Variants in CADM4 observed in about 807,000 individuals in gnomAD.
CADM4 encodes the protein TSLC1-like 2.
Under a neutral mutation model 43.9 loss-of-function variants are expected in CADM4, and 13 were observed. That is an observed-to-expected ratio of 0.30 (90% CI 0.19 to 0.47). The LOEUF is 0.47. Ranked by LOEUF, CADM4 falls within the 20% of genes least tolerant of loss-of-function variation. CADM4 has a pLI of 1.00. For missense variants in CADM4, 420 were observed against 527.0 expected (o/e 0.80, Z 1.99); for synonymous variants, 209 against 220.9 (o/e 0.95, Z 0.48).
At chr19:43,639,045 CAGAA>C (rs1473167045) in intron 1 of CADM4, among the ~76,000 whole-genome samples, 6 of 151,482 alleles carry the variant, frequency 4.0e-5, no homozygotes, top group South Asian at 2.1e-4. Flanking sequence ...AAACGAGTGA[CAGAA>C]AGACAGGGGA....
intron 1 of CADM4, among the ~76,000 whole-genome samples, chr19:43,628,260 C>T (rs1600097305): frequency 1.5e-5 from 2 of 130,012 alleles, no homozygotes; most frequent in East Asian, 4.5e-4. Context: ...CCTGTCACTA[C>T]TAAAAATACA....
At position 43,624,957 on chromosome 19, in the gene CADM4, CA is replaced by C. The variant is rs1168075724; in HGVS notation, c.928+120del. 5.1e-6 allele frequency: 6 copies of C among 1,171,590 alleles called. No individual in the cohort carries two copies. In the Admixed American group the frequency reaches 1.7e-4, roughly 34 times the overall value. The allele number at this position is 1,171,590 out of a possible 1,614,324, so 72.6% of individuals were successfully genotyped here. A position where few individuals can be genotyped will look rare whatever the true frequency, so the allele number is the denominator to read the frequency against. On this transcript the variant is annotated intron_variant, in intron 7 of 8. Transcript: ENST00000222374. ...TGAGCCCCGCGGGCCAGTCTGGTCC[CA>C]AAACAAAAAGAACTCTGTTGGCTGC...
chr19:43,630,285 T>C (rs896046422), intron 1 of CADM4, among the ~76,000 whole-genome samples: 3 of 135,790 alleles, frequency 2.2e-5, no homozygotes, highest in Non-Finnish European at 3.1e-5. Context: ...TCTTTTCTTT[T>C]TTTTTTTTTT....
At chr19:43,632,243 A>T (rs1425537996) in intron 1 of CADM4, among the ~76,000 whole-genome samples, 1 of 151,956 alleles carries the variant, frequency 6.6e-6, no homozygotes, top group East Asian at 1.9e-4. Context: ...ACATCTGTCC[A>T]TTCTACCTCC....
At position 43,625,261 on chromosome 19, in the gene CADM4, ATAAAG is replaced by A. The variant is rs746516073; in HGVS notation, c.756-16_756-12del. The A allele has an allele frequency of 2.4e-5, 38 of 1,612,028 alleles. No individual in the cohort carries two copies. The African/African-American group carries it at 5.1e-4, about 21-fold the overall frequency. Reference sequence around the variant, plus strand: ...CGGATCTGGTTTGGCCTGGGTGGGGATAAAGTATAGTGAGAGTTAGGAACCGAGGT... The same window carrying A: ...CGGATCTGGTTTGGCCTGGGTGGGGATATAGTGAGAGTTAGGAACCGAGGT... On this transcript the variant is annotated splice_polypyrimidine_tract_variant and intron_variant, in intron 6 of 8. Coordinates refer to ENST00000222374, the MANE Select transcript of CADM4 (RefSeq NM_145296.2). This position sits in a 1 kb window ranked among gnomAD's most constrained non-coding sequence, Gnocchi z 4.5.
Position 43,625,021 on chromosome 19 carries a change from C to T in CADM4, c.928+57G>A. 7.1e-7 allele frequency: 1 copy of T among 1,411,156 alleles called. No homozygotes were observed. The allele number at this position is 1,411,156 out of a possible 1,614,324, so 87.4% of individuals were successfully genotyped here. On this transcript the variant is annotated intron_variant, in intron 7 of 8. Coordinates refer to ENST00000222374, the MANE Select transcript of CADM4 (RefSeq NM_145296.2). The surrounding 1 kb of genome is among the most constrained non-coding windows in gnomAD (Gnocchi z 4.5). ...TTATGTGGCCTCTTTGCTCAAGCCC[C>T]GCCCCCGCCACCTGGCGCCCCGCCC...
At position 43,626,633 on chromosome 19, in the gene CADM4, G is replaced by T; in HGVS notation, c.499+151C>A. On this transcript the variant is annotated intron_variant, in intron 4 of 8. Transcript: ENST00000222374. The surrounding 1 kb of genome is among the most constrained non-coding windows in gnomAD (Gnocchi z 5.9). ...CCATCTCAGCCTCCCAAAGTGCTAG[G>T]ACTACAGGCGTGAGCCACCGCGCTC... 9.8e-7 allele frequency: 1 copy of T among 1,019,566 alleles called. No individual in the cohort carries two copies. The highest frequency in any genetic ancestry group is 1.4e-6 in the Non-Finnish European group (1 of 717,212). The allele number at this position is 1,019,566 out of a possible 1,614,324, so 63.2% of individuals were successfully genotyped here. A position where few individuals can be genotyped will look rare whatever the true frequency, so the allele number is the denominator to read the frequency against.
rs1973514307 is a variant in CADM4 at position 43,625,759 on chromosome 19, C to T, written c.755+152G>A. 1.6e-6 allele frequency: 1 copy of T among 639,476 alleles called. No homozygotes were observed. Among genetic ancestry groups the T allele is most frequent in the Admixed American group, 2.9e-5 (1 of 34,450 alleles). 39.6% of individuals were successfully genotyped at this position (639,476 alleles called of 1,614,324 possible). On this transcript the variant is annotated intron_variant, in intron 6 of 8. Transcript: ENST00000222374. This position sits in a 1 kb window ranked among gnomAD's most constrained non-coding sequence, Gnocchi z 4.5. ...CGTCCAGGTCCCCAGCTCTCTCCTC[C>T]TCAGGACCCAGGAATCCAGGTCCTA...
chr19:43,623,462 G>C lies in CADM4; in HGVS notation c.1058-23C>G, dbSNP rs1973472300. ...AACCTGAGGGGGTGACAGACCCCCG[G>C]GGCAGGGGGGACATATTTGTGGATC... On this transcript the variant is annotated intron_variant, in intron 8 of 8. Coordinates refer to ENST00000222374, the MANE Select transcript of CADM4 (RefSeq NM_145296.2). This position sits in a 1 kb window ranked among gnomAD's most constrained non-coding sequence, Gnocchi z 4.4. 7.0e-7 allele frequency: 1 copy of C among 1,434,788 alleles called. No homozygotes were observed. Among genetic ancestry groups the C allele is most frequent in the East Asian group, 2.3e-5 (1 of 44,050 alleles). The allele number at this position is 1,434,788 out of a possible 1,614,324, so 88.9% of individuals were successfully genotyped here. A position where few individuals can be genotyped will look rare whatever the true frequency, so the allele number is the denominator to read the frequency against.
At chr19:43,635,217 AC>A (rs1973684286) in intron 1 of CADM4, among the ~76,000 whole-genome samples, 1 of 151,872 alleles carries the variant, frequency 6.6e-6, no homozygotes. Context: ...GAAGGTCACC[AC>A]CACCCCCTCT....
chr19:43,623,867 C>T lies in CADM4; in HGVS notation c.1057+247G>A, dbSNP rs1251739877. Among the ~76,000 whole-genome samples, 2 of 152,226 alleles carry T rather than the reference C, an allele frequency of 1.3e-5. No individual in the cohort carries two copies. Among genetic ancestry groups the T allele is most frequent in the Non-Finnish European group, 1.5e-5 (1 of 68,034 alleles). On this transcript the variant is annotated intron_variant, in intron 8 of 8. Coordinates refer to ENST00000222374, the MANE Select transcript of CADM4 (RefSeq NM_145296.2). This position sits in a 1 kb window ranked among gnomAD's most constrained non-coding sequence, Gnocchi z 4.4. The stretch of plus-strand genomic sequence containing the variant: ...TTATCCGCCTTGGCCTCCCAACGTG[C>T]TGGGATTACAGGCGTGAGCCACCGC...
chr19:43,627,674 G>C lies in CADM4; in HGVS notation c.181C>G (p.Arg61Gly). 1 of 1,613,888 alleles carries C rather than the reference G, an allele frequency of 6.2e-7. No homozygotes were observed. The highest frequency in any genetic ancestry group is 8.5e-7 in the Non-Finnish European group (1 of 1,179,866). The change falls in exon 2 of 9, where the codon CGG (arginine) becomes GGG (glycine). Residue 61 changes from arginine to glycine, a missense_variant. Transcript: ENST00000222374. This position sits in a 1 kb window ranked among gnomAD's most constrained non-coding sequence, Gnocchi z 4.0. The stretch of plus-strand genomic sequence containing the variant: ...GTGCCATTGAAGAAGAGGGTCTGCC[G>C]GGCTGGGTTCTGGATGACAACTATG... ...GSIVVIQNPA[R>G]QTLFFNGTRA...
chr19:43,628,832 C>T (rs1041532926), intron 1 of CADM4, among the ~76,000 whole-genome samples: 1 of 152,228 alleles, frequency 6.6e-6, no homozygotes, highest in African/African-American at 2.4e-5. Flanking sequence ...CAGCACCAAT[C>T]GCCAGCTGTG....
At chr19:43,624,059 T>C (rs1261357318) in intron 8 of CADM4, 55 bp downstream of exon 8, 2 of 1,601,328 alleles carry the variant, frequency 1.2e-6, no homozygotes, top group Non-Finnish European at 1.7e-6. Context: ...AGGCCCCGCC[T>C]CTTTCCGAGC....
intron 1 of CADM4, among the ~76,000 whole-genome samples, chr19:43,630,529 C>G (rs528108059): frequency 1.3e-5 from 2 of 152,030 alleles, no homozygotes; most frequent in South Asian, 4.2e-4. Context: ...CGTGATCCAC[C>G]CGCCTCGGCC....
chr19:43,624,212 G>A lies in CADM4; in HGVS notation c.959C>T (p.Ser320Leu). Residue 320 changes from serine (S) to leucine (L), a missense_variant, in exon 8 of 9, where the codon TCG becomes TTG. Coordinates refer to ENST00000222374, the MANE Select transcript of CADM4 (RefSeq NM_145296.2). Reference protein sequence around the residue: ...DPGAVVEAQTSVPYAIVGGIL... With the variant: ...DPGAVVEAQTLVPYAIVGGIL... Reference sequence around the variant, plus strand: ...GCCGCCCACAATGGCATAGGGAACCGACGTCTGAGCCTCTACCACCGCACC... The same window carrying A: ...GCCGCCCACAATGGCATAGGGAACCAACGTCTGAGCCTCTACCACCGCACC... The A allele has an allele frequency of 6.2e-7, 1 of 1,614,186 alleles. No homozygotes were observed. The highest frequency in any genetic ancestry group is 8.5e-7 in the Non-Finnish European group (1 of 1,180,048).
Position 43,625,028 on chromosome 19 carries a change from G to T in CADM4, c.928+50C>A. 4 of 332,752 alleles carry T rather than the reference G, an allele frequency of 1.2e-5. No individual in the cohort carries two copies. The highest frequency in any genetic ancestry group is 1.7e-5 in the Non-Finnish European group (4 of 239,050). 20.6% of individuals were successfully genotyped at this position (332,752 alleles called of 1,614,324 possible). On this transcript the variant is annotated intron_variant, in intron 7 of 8. Transcript: ENST00000222374. This position sits in a 1 kb window ranked among gnomAD's most constrained non-coding sequence, Gnocchi z 4.5. ...GCCTCTTTGCTCAAGCCCCGCCCCC[G>T]CCACCTGGCGCCCCGCCCCCGCCCT...
intron 1 of CADM4, 99 bp downstream of exon 1, chr19:43,639,628 G>C (rs1178569696): frequency 1.5e-5 from 10 of 684,944 alleles, no homozygotes; most frequent in Non-Finnish European, 1.8e-5. Flanking sequence ...CCGGCCCCGC[G>C]CGCATTGTTC....
rs1298222604 is a variant in CADM4 at position 43,626,389 on chromosome 19, C to G, written c.500-101G>C. On this transcript the variant is annotated intron_variant, in intron 4 of 8. Transcript: ENST00000222374. The surrounding 1 kb of genome is among the most constrained non-coding windows in gnomAD (Gnocchi z 5.9). ...GCAGGCTATTTGCCAAGCTCCACCC[C>G]TTACCCACAGGCCCCGCCTCTTGTC... 1 of 1,425,578 alleles carries G rather than the reference C, an allele frequency of 7.0e-7. No homozygotes were observed. The highest frequency in any genetic ancestry group is 9.5e-7 in the Non-Finnish European group (1 of 1,051,824). The allele number at this position is 1,425,578 out of a possible 1,614,324, so 88.3% of individuals were successfully genotyped here.
Sources: allele counts gnomAD v4.1 joint callset (sites outside exome capture counted in the v4.1 genomes callset), GRCh38; gene constraint gnomAD v4.1.1; non-coding constraint Gnocchi (gnomAD v3.1); transcripts MANE v1.5; gene names NCBI Gene and HGNC (gene_info 2026-07-23, HGNC 2026-07-21).